The following FNDC3B variants were observed in gnomAD, a reference collection of about 807,000 sequenced individuals.
FNDC3B encodes fibronectin type III domain containing 3B, also known as fibronectin type III domain-containing protein 3B.
FNDC3B carries 12 observed loss-of-function variants against 151.5 expected under a neutral mutation model. The observed-to-expected ratio is 0.08, with a 90% CI of 0.05 to 0.13. The LOEUF (loss-of-function observed/expected upper bound fraction) is 0.13. FNDC3B is among the 10% of genes least tolerant of loss of function. The pLI is 1.00. For synonymous variants in FNDC3B, 528 were observed against 549.0 expected, an observed-to-expected ratio of 0.96 and a Z score of 0.54; for missense variants, 1,214 against 1,505.3, an observed-to-expected ratio of 0.81 and a Z score of 3.20.
intron 11 of FNDC3B, among the ~76,000 whole-genome samples, chr3:172,326,810 C>CT (rs34735771): frequency 0.11 from 17,159 of 151,114 alleles, 996 homozygotes; most frequent in Middle Eastern, 0.2. Flanking sequence ...GAAACACTGA[C>CT]TTTTTTTTTA....
intron 2 of FNDC3B, among the ~76,000 whole-genome samples, chr3:172,131,308 G>T (rs1467216760): frequency 6.6e-6 from 1 of 151,820 alleles, no homozygotes; most frequent in Non-Finnish European, 1.5e-5. Flanking sequence ...CAGGCGAATT[G>T]CTTGAACCTG....
At chr3:172,369,387 T>C (rs1377394366) in intron 23 of FNDC3B, among the ~76,000 whole-genome samples, 14 of 152,214 alleles carry the variant, frequency 9.2e-5, no homozygotes, top group Admixed American at 9.2e-4. Flanking sequence ...AGGTGGTCTT[T>C]AGAAATTCTA....
chr3:172,262,916 A>AAAAAAAAAAAAAAAAAAAAAC (rs1728726039), intron 6 of FNDC3B, among the ~76,000 whole-genome samples: 1 of 149,700 alleles, frequency 6.7e-6, no homozygotes, highest in African/African-American at 2.5e-5. Context: ...AAAAAAAAAA[A>AAAAAAAAAAAAAAAAAAAAAC]AAAAAAGCAC....
At chr3:172,295,676 G>A (rs1032573783) in intron 8 of FNDC3B, among the ~76,000 whole-genome samples, 162 bp downstream of exon 8, 1 of 152,220 alleles carries the variant, frequency 6.6e-6, no homozygotes, top group African/African-American at 2.4e-5. Context: ...ATTGTGTCCA[G>A]AGTAATTCTT....
intron 3 of FNDC3B, among the ~76,000 whole-genome samples, chr3:172,189,167 T>G (rs1175694747): frequency 6.6e-6 from 1 of 152,238 alleles, no homozygotes; most frequent in Non-Finnish European, 1.5e-5. Context: ...TCACAATTGT[T>G]TTTAATTTAT....
chr3:172,099,398 A>G (rs1719262279), intron 1 of FNDC3B, among the ~76,000 whole-genome samples: 1 of 152,104 alleles, frequency 6.6e-6, no homozygotes, highest in Non-Finnish European at 1.5e-5. Context: ...ATTGAGCAGT[A>G]AATGAAGGTC....
intron 2 of FNDC3B, among the ~76,000 whole-genome samples, chr3:172,127,814 C>T (rs1028767152): frequency 1.3e-5 from 2 of 152,130 alleles, no homozygotes; most frequent in African/African-American, 4.8e-5. Context: ...TACAGGCACC[C>T]ACCATTACCC....
At chr3:172,224,033 T>G (rs1319072434) in intron 3 of FNDC3B, among the ~76,000 whole-genome samples, 2 of 152,264 alleles carry the variant, frequency 1.3e-5, no homozygotes, top group African/African-American at 4.8e-5. Flanking sequence ...GCAACCAGTG[T>G]GAATAGTGAG....
chr3:172,157,433 T>C (rs933727274), intron 3 of FNDC3B, among the ~76,000 whole-genome samples: 1 of 152,196 alleles, frequency 6.6e-6, no homozygotes, highest in African/African-American at 2.4e-5. Context: ...AAATCAGGAA[T>C]AGACATGAGT....
chr3:172,150,703 C>T (rs976854655), intron 3 of FNDC3B, among the ~76,000 whole-genome samples: 5 of 151,706 alleles, frequency 3.3e-5, no homozygotes, highest in South Asian at 2.1e-4. Context: ...TACTTGGAAT[C>T]GGTGAAATAT....
intron 4 of FNDC3B, among the ~76,000 whole-genome samples, chr3:172,233,100 A>C (rs1329114645): frequency 6.6e-6 from 1 of 152,150 alleles, no homozygotes; most frequent in Non-Finnish European, 1.5e-5. Flanking sequence ...TATATGTAAA[A>C]ATTTCTTAAG....
chr3:172,285,497 A>T (rs58999542), intron 6 of FNDC3B, among the ~76,000 whole-genome samples: 12,670 of 152,250 alleles, frequency 0.083, 690 homozygotes, highest in African/African-American at 0.15. Flanking sequence ...ACAAGTAAAT[A>T]AACAAGTAAA....
At chr3:172,207,666 T>C (rs1725502297) in intron 3 of FNDC3B, among the ~76,000 whole-genome samples, 1 of 152,226 alleles carries the variant, frequency 6.6e-6, no homozygotes, top group African/African-American at 2.4e-5. Context: ...AGGTTCTCAC[T>C]CCCAGTAGCA....
intron 1 of FNDC3B, among the ~76,000 whole-genome samples, chr3:172,099,653 C>T (rs1290919901): frequency 2.6e-5 from 4 of 152,184 alleles, no homozygotes; most frequent in African/African-American, 4.8e-5. Flanking sequence ...CTTAGCCCTC[C>T]AGCCTGCTTT....
At chr3:172,115,536 A>T (rs546257055) in intron 2 of FNDC3B, among the ~76,000 whole-genome samples, 23 of 152,218 alleles carry the variant, frequency 1.5e-4, no homozygotes, top group Non-Finnish European at 3.2e-4. Context: ...ATCAGGCTAC[A>T]GCAGACATAC....
intron 1 of FNDC3B, among the ~76,000 whole-genome samples, chr3:172,044,424 GT>G (rs1716261841): frequency 6.6e-6 from 1 of 151,854 alleles, no homozygotes; most frequent in Non-Finnish European, 1.5e-5. Context: ...CATAGTTATG[GT>G]ACTGTCCTGG....
At chr3:172,238,237 GCATGAC>G (rs1352533113) in intron 4 of FNDC3B, among the ~76,000 whole-genome samples, 4 of 152,104 alleles carry the variant, frequency 2.6e-5, no homozygotes, top group Non-Finnish European at 5.9e-5. Context: ...GAGTGCAGTG[GCATGAC>G]CTCCCTTGCT....
chr3:172,330,784 C>A, intron 13 of FNDC3B, 69 bp downstream of exon 13: 1 of 1,256,140 alleles, frequency 8.0e-7, no homozygotes, highest in Non-Finnish European at 1.1e-6. Context: ...TACAGGGCAC[C>A]ATGAAATTAG....
intron 1 of FNDC3B, among the ~76,000 whole-genome samples, chr3:172,066,620 G>C (rs1236414665): frequency 2.6e-5 from 4 of 152,214 alleles, no homozygotes; most frequent in Non-Finnish European, 5.9e-5. Context: ...CTCAGATTAA[G>C]ACCTGGATCT....
Sources: allele counts gnomAD v4.1 joint callset (sites outside exome capture counted in the v4.1 genomes callset), GRCh38; gene constraint gnomAD v4.1.1; transcripts MANE v1.5; gene names NCBI Gene and HGNC (gene_info 2026-07-23, HGNC 2026-07-21).